The following ZNF385D variants were observed in gnomAD, a reference collection of about 807,000 sequenced individuals.
The protein encoded by ZNF385D is zinc finger protein 659.
ZNF385D carries 15 observed loss-of-function variants against 35.8 expected under a neutral mutation model. That is an observed-to-expected ratio of 0.42 (90% CI 0.28 to 0.64). ZNF385D has a LOEUF of 0.64. Among genes scored for constraint, ZNF385D ranks in the 30% least tolerant of loss-of-function variants. The probability of loss-of-function intolerance (pLI) is 0.23; values close to 1 mark genes in which losing one functional copy is unlikely to be tolerated. For missense variants in ZNF385D, 474 were observed against 494.6 expected, an observed-to-expected ratio of 0.96 and a Z score of 0.39; for synonymous variants, 212 against 186.8, an observed-to-expected ratio of 1.13 and a Z score of -1.10.
intron 2 of ZNF385D, among the ~76,000 whole-genome samples, chr3:22,221,941 G>C (rs571182972): frequency 1.3e-5 from 2 of 152,114 alleles, no homozygotes; most frequent in Admixed American, 1.3e-4. Flanking sequence ...TTCTAGGATA[G>C]TTTTCAAAAC....
intron 2 of ZNF385D, among the ~76,000 whole-genome samples, chr3:21,609,696 A>G (rs998361304): frequency 3.9e-5 from 6 of 152,180 alleles, no homozygotes; most frequent in South Asian, 2.1e-4. Context: ...CACAGAACCT[A>G]ATGGGGCCAA....
At position 22,164,247 on chromosome 3, in the gene ZNF385D, T is replaced by TTTTTTTTTTTTG. The variant is rs1348547943; in HGVS notation, c.325+4569_325+4570insCAAAAAAAAAAA. ...TTTTTTTTTTTTTTTTTTTTTTTTT[T>TTTTTTTTTTTTG]GAGACGGGGTCTCACTCTGTTGCCA... On this transcript the variant is annotated intron_variant, in intron 3 of 5. Coordinates refer to the ZNF385D transcript ENST00000494108. 2.8e-4 allele frequency among the ~76,000 whole-genome samples: 26 copies of TTTTTTTTTTTTG among 93,488 alleles called. 1 individual carries two copies. The highest frequency in any genetic ancestry group is 1.6e-3 in the African/African-American group (26 of 16,666). 61.3% of individuals were successfully genotyped at this position (93,488 alleles called of 152,430 possible). A position where few individuals can be genotyped will look rare whatever the true frequency, so the allele number is the denominator to read the frequency against.
chr3:21,635,099 A>C (rs1221403492), intron 2 of ZNF385D, among the ~76,000 whole-genome samples: 2 of 152,130 alleles, frequency 1.3e-5, no homozygotes, highest in African/African-American at 4.8e-5. Context: ...ACAATATCAC[A>C]GAAAGAGAGA....
chr3:21,525,536 T>TA (rs1267572275), intron 3 of ZNF385D, among the ~76,000 whole-genome samples: 1 of 151,624 alleles, frequency 6.6e-6, no homozygotes, highest in Non-Finnish European at 1.5e-5. Context: ...AATACAAAAT[T>TA]AGCCAGGCGT....
intron 3 of ZNF385D, among the ~76,000 whole-genome samples, chr3:21,793,923 T>G (rs760403359): frequency 1.3e-5 from 2 of 152,218 alleles, no homozygotes; most frequent in Non-Finnish European, 2.9e-5. Flanking sequence ...TGATGAACAG[T>G]ATCTATTTTT....
intron 3 of ZNF385D, among the ~76,000 whole-genome samples, chr3:22,107,895 G>A (rs1283320842): frequency 1.3e-5 from 2 of 151,866 alleles, no homozygotes; most frequent in Non-Finnish European, 2.9e-5. Context: ...GTATTATAAT[G>A]GGGTGCCCAT....
At chr3:22,156,023 C>A (rs561283238) in intron 3 of ZNF385D, among the ~76,000 whole-genome samples, 1 of 152,180 alleles carries the variant, frequency 6.6e-6, no homozygotes, top group Admixed American at 6.6e-5. Flanking sequence ...GTCCCAGTAA[C>A]TCCCATGTAT....
intron 3 of ZNF385D, among the ~76,000 whole-genome samples, chr3:22,074,611 T>C (rs531045391): frequency 4.4e-4 from 67 of 152,094 alleles, no homozygotes; most frequent in South Asian, 4.1e-3. Flanking sequence ...GATATTTCCA[T>C]AGTTTGTTTA....
chr3:21,644,458 G>C (rs1376848593), intron 2 of ZNF385D, among the ~76,000 whole-genome samples: 1 of 152,114 alleles, frequency 6.6e-6, no homozygotes, highest in Non-Finnish European at 1.5e-5. Flanking sequence ...AGGCATGCCA[G>C]TTAACCTCAC....
chr3:22,119,945 T>C (rs974372097), intron 3 of ZNF385D, among the ~76,000 whole-genome samples: 1 of 151,936 alleles, frequency 6.6e-6, no homozygotes, highest in African/African-American at 2.4e-5. Flanking sequence ...GCCTCCCAAG[T>C]AGCTGGGACC....
chr3:21,756,819 T>C (rs1277001230), intron 3 of ZNF385D, among the ~76,000 whole-genome samples: 1 of 152,202 alleles, frequency 6.6e-6, no homozygotes, highest in African/African-American at 2.4e-5. Context: ...TCAAAACAGT[T>C]TGAAAATTAA....
At chr3:21,926,695 C>G (rs528770510) in intron 3 of ZNF385D, among the ~76,000 whole-genome samples, 2 of 152,238 alleles carry the variant, frequency 1.3e-5, no homozygotes, top group South Asian at 4.2e-4. Flanking sequence ...ACCATAAAAA[C>G]CTCAGAAGAA....
intron 2 of ZNF385D, among the ~76,000 whole-genome samples, chr3:22,274,789 T>C (rs1701345482): frequency 6.6e-6 from 1 of 151,236 alleles, no homozygotes; most frequent in Non-Finnish European, 1.5e-5. Context: ...TAGTACTTTT[T>C]TTTTTTTTTT....
At chr3:22,189,546 A>G (rs1488949898) in intron 2 of ZNF385D, among the ~76,000 whole-genome samples, 4 of 152,146 alleles carry the variant, frequency 2.6e-5, no homozygotes, top group African/African-American at 9.6e-5. Context: ...GGGAACCCGA[A>G]AGAGAAGAAA....
intron 3 of ZNF385D, among the ~76,000 whole-genome samples, chr3:21,890,215 G>C (rs1698778898): frequency 6.6e-6 from 1 of 152,142 alleles, no homozygotes; most frequent in South Asian, 2.1e-4. Context: ...TTGATGTATA[G>C]AGGGAGAGAA....
chr3:22,000,164 G>A (rs1481719882), intron 3 of ZNF385D, among the ~76,000 whole-genome samples: 3 of 152,080 alleles, frequency 2.0e-5, no homozygotes, highest in Non-Finnish European at 4.4e-5. Flanking sequence ...AATTAGCCTG[G>A]CGTGGTGGTG....
chr3:22,139,507 T>C (rs1400297431), intron 3 of ZNF385D, among the ~76,000 whole-genome samples: 2 of 151,894 alleles, frequency 1.3e-5, no homozygotes, highest in African/African-American at 2.4e-5. Context: ...CAGCAAACTA[T>C]TGCAAGGACA....
chr3:22,082,455 C>T (rs1312779711), intron 3 of ZNF385D, among the ~76,000 whole-genome samples: 2 of 152,174 alleles, frequency 1.3e-5, no homozygotes, highest in African/African-American at 4.8e-5. Flanking sequence ...ACTGCTAGTG[C>T]AGCAGTCCGA....
chr3:21,780,107 C>G (rs2071433609), intron 3 of ZNF385D, among the ~76,000 whole-genome samples: 1 of 151,922 alleles, frequency 6.6e-6, no homozygotes, highest in African/African-American at 2.4e-5. Flanking sequence ...ACACAACCAT[C>G]TGCACAGGAA....
Sources: gnomAD v4.1 joint callset for allele counts (sites outside exome capture counted in the v4.1 genomes callset) on GRCh38, gnomAD v4.1.1 for gene constraint, MANE v1.5 for transcripts, NCBI Gene and HGNC (gene_info 2026-07-23, HGNC 2026-07-21) for gene names.